Variants in C12orf54 observed in about 807,000 individuals in gnomAD.
C12orf54 encodes chromosome 12 open reading frame 54, also known as uncharacterized protein C12orf54.
Under a neutral mutation model 26.4 loss-of-function variants are expected in C12orf54, and 24 were observed. The ratio of observed to expected loss-of-function variants is 0.91; its 90% CI spans 0.66 to 1.28. The LOEUF is 1.28. Ranked by LOEUF, C12orf54 falls within the 50% of genes most tolerant of loss-of-function variation. C12orf54 has a pLI of 0.00. For synonymous variants in C12orf54, 54 were observed against 47.0 expected (o/e 1.15, Z -0.61); for missense variants, 154 against 150.9 (o/e 1.02, Z -0.11).
At chr12:48,427,283 A>T in the C12orf54 span, among the ~76,000 whole-genome samples, 4 of 152,156 alleles carry the variant, frequency 2.6e-5, no homozygotes, top group Non-Finnish European at 2.9e-5. Context: ...GGTTTTTAAC[A>T]TGAAGAAATT....
chr12:48,417,569 A>C, the C12orf54 span, among the ~76,000 whole-genome samples: 1 of 152,142 alleles, frequency 6.6e-6, no homozygotes, highest in Admixed American at 6.5e-5. Context: ...GTCTTTCAAA[A>C]AATTTTTTTT....
At chr12:48,464,748 A>T in the C12orf54 span, among the ~76,000 whole-genome samples, 1 of 152,202 alleles carries the variant, frequency 6.6e-6, no homozygotes, top group South Asian at 2.1e-4. Flanking sequence ...CAGAATAGAG[A>T]ACTCAAAAAT....
In C12orf54 at chr12:48,494,843, A is replaced by G. The variant is rs1050790708; in HGVS notation, c.288A>G (p.Arg96=). ...PDSLMTPKLR[R]LQFSSGEQPS... ...CCTTGATGACCCCAAAGTTGAGAAG[A>G]TTGCAGTTCAGCTCTGGAGAGCAGC... The change falls in exon 8 of 9, where the codon AGA becomes AGG. Residue 96 remains arginine, a synonymous_variant. Coordinates refer to ENST00000548364, the MANE Select transcript of C12orf54 (RefSeq NM_152319.4). 3 of 1,613,830 alleles carry G rather than the reference A, an allele frequency of 1.9e-6. No individual in the cohort carries two copies. The highest frequency in any genetic ancestry group is 1.7e-5 in the Admixed American group (1 of 60,028).
chr12:48,435,142 A>G, the C12orf54 span, among the ~76,000 whole-genome samples: 2,209 of 152,360 alleles, frequency 0.014, 58 homozygotes, highest in African/African-American at 0.05. Flanking sequence ...GATGCAATCA[A>G]CTGGAAGAAA....
At chr12:48,437,931 G>A in the C12orf54 span, among the ~76,000 whole-genome samples, 1 of 152,084 alleles carries the variant, frequency 6.6e-6, no homozygotes, top group Non-Finnish European at 1.5e-5. Context: ...GGAAATAAAG[G>A]GCATTCAGTT....
At chr12:48,452,465 A>G in the C12orf54 span, among the ~76,000 whole-genome samples, 3 of 151,240 alleles carry the variant, frequency 2.0e-5, no homozygotes, top group Non-Finnish European at 4.4e-5. Flanking sequence ...CAATTGCAAC[A>G]AAAGCAAAAA....
At chr12:48,456,924 AC>A in the C12orf54 span, among the ~76,000 whole-genome samples, 7 of 152,222 alleles carry the variant, frequency 4.6e-5, 1 homozygote, top group Middle Eastern at 0.02. Context: ...GCATATTATC[AC>A]CATTATGAGG....
the C12orf54 span, among the ~76,000 whole-genome samples, chr12:48,427,778 A>C: frequency 1.3e-5 from 2 of 152,138 alleles, no homozygotes; most frequent in Non-Finnish European, 2.9e-5. Context: ...CAGAAAGTCA[A>C]TGAAGAAACA....
intron 5 of C12orf54, 140 bp downstream of exon 5, chr12:48,489,096 A>G (rs1937726209): frequency 1.1e-6 from 1 of 878,126 alleles, no homozygotes; most frequent in Non-Finnish European, 1.9e-6. Flanking sequence ...TCCCTTAAAG[A>G]GTACCACTGA....
At chr12:48,438,858 G>A in the C12orf54 span, among the ~76,000 whole-genome samples, 1 of 152,172 alleles carries the variant, frequency 6.6e-6, no homozygotes, top group Non-Finnish European at 1.5e-5. Flanking sequence ...AGGACTTCAT[G>A]TCTAAAACAC....
At chr12:48,453,060 T>G in the C12orf54 span, among the ~76,000 whole-genome samples, 1 of 152,112 alleles carries the variant, frequency 6.6e-6, no homozygotes, top group African/African-American at 2.4e-5. Flanking sequence ...TGAAGCACTA[T>G]TCACAATAGC....
chr12:48,487,963 G>T, intron 4 of C12orf54: 1 of 734,634 alleles, frequency 1.4e-6, no homozygotes, highest in Non-Finnish European at 2.5e-6. Flanking sequence ...TACCTAAGAA[G>T]AACTGGGTTG....
chr12:48,418,931 A>G, the C12orf54 span, among the ~76,000 whole-genome samples: 5 of 152,054 alleles, frequency 3.3e-5, no homozygotes, highest in Non-Finnish European at 7.4e-5. Flanking sequence ...TCCAGAAAAA[A>G]AAAAAAAAGC....
At chr12:48,472,317 G>A in the C12orf54 span, among the ~76,000 whole-genome samples, 2 of 152,274 alleles carry the variant, frequency 1.3e-5, no homozygotes, top group South Asian at 4.1e-4. Flanking sequence ...GATCTAGTTA[G>A]GAGGCTTTGA....
the C12orf54 span, among the ~76,000 whole-genome samples, chr12:48,427,593 C>T: frequency 0.043 from 6,568 of 151,738 alleles, 250 homozygotes; most frequent in African/African-American, 0.1. Flanking sequence ...TATTATATAA[C>T]GGTAAGTGGC....
chr12:48,462,452 A>G, the C12orf54 span, among the ~76,000 whole-genome samples: 850 of 151,830 alleles, frequency 5.6e-3, 5 homozygotes, highest in African/African-American at 0.02. Context: ...AAAACCAGAG[A>G]GCAATATCAT....
At chr12:48,466,206 A>C in the C12orf54 span, among the ~76,000 whole-genome samples, 1 of 152,312 alleles carries the variant, frequency 6.6e-6, no homozygotes, top group South Asian at 2.1e-4. Flanking sequence ...AAGAAACCCA[A>C]TTATAAAATG....
At chr12:48,493,134 A>C in intron 7 of C12orf54, 139 bp downstream of exon 7, 1 of 724,580 alleles carries the variant, frequency 1.4e-6, no homozygotes, top group Non-Finnish European at 2.4e-6. Flanking sequence ...GTGCCTCCCC[A>C]CCCAACTGTG....
chr12:48,483,793 AAAG>A (rs1237895351), intron 2 of C12orf54, among the ~76,000 whole-genome samples: 1 of 152,204 alleles, frequency 6.6e-6, no homozygotes, highest in African/African-American at 2.4e-5. Flanking sequence ...TGAAGTCAGA[AAAG>A]AAGGAGGGTT....
Sources: gnomAD v4.1 joint callset for allele counts (sites outside exome capture counted in the v4.1 genomes callset) on GRCh38, gnomAD v4.1.1 for gene constraint, MANE v1.5 for transcripts, NCBI Gene and HGNC (gene_info 2026-07-23, HGNC 2026-07-21) for gene names.